OPHN1: variants seen among roughly 807,000 people sequenced by gnomAD.
OPHN1 encodes the protein oligophrenin-1.
A neutral mutation model predicts 60.7 loss-of-function variants in OPHN1; 11 were observed. That is an observed-to-expected ratio of 0.18 (90% CI 0.11 to 0.30). The LOEUF is 0.30. Among genes scored for constraint, OPHN1 ranks in the 10% least tolerant of loss-of-function variants. The probability of loss-of-function intolerance (pLI) is 1.00; values close to 1 mark genes in which losing one functional copy is unlikely to be tolerated. For missense variants in OPHN1, 449 were observed against 611.0 expected (o/e 0.73, Z 2.80); for synonymous variants, 226 against 222.6 (o/e 1.02, Z -0.14).
At chrX:68,384,732 A>AG (rs1202176749) in intron 2 of OPHN1, among the ~76,000 whole-genome samples, 2 of 110,255 alleles carry the variant, frequency 1.8e-5, no homozygotes, top group Non-Finnish European at 3.8e-5. Flanking sequence ...AAAAAAAAAA[A>AG]AAGAAGAAGA....
intron 19 of OPHN1, among the ~76,000 whole-genome samples, chrX:68,075,792 A>C (rs988514928): frequency 3.7e-5 from 4 of 109,175 alleles, no homozygotes; most frequent in East Asian, 2.8e-4. Context: ...AAAAAAAAAA[A>C]AAAAAAAAAC....
intron 10 of OPHN1, among the ~76,000 whole-genome samples, chrX:68,205,235 G>A (rs898486545): frequency 5.4e-5 from 6 of 110,893 alleles, no homozygotes; most frequent in African/African-American, 2.0e-4. Context: ...ATCACCTGAG[G>A]TCGGGAATTC....
At chrX:68,059,538 C>A (rs144254006) in intron 21 of OPHN1, among the ~76,000 whole-genome samples, 8 of 111,841 alleles carry the variant, frequency 7.2e-5, no homozygotes, top group Non-Finnish European at 1.5e-4. Context: ...AGAATAAAAA[C>A]CAAACAGTAG....
At chrX:68,363,734 T>C (rs906934086) in intron 2 of OPHN1, among the ~76,000 whole-genome samples, 2 of 111,729 alleles carry the variant, frequency 1.8e-5, no homozygotes, top group Non-Finnish European at 3.8e-5. Context: ...ACAGTGGTTA[T>C]ATATACTAAA....
At chrX:68,427,998 G>T (rs2078868071) in intron 2 of OPHN1, among the ~76,000 whole-genome samples, 1 of 110,669 alleles carries the variant, frequency 9.0e-6, no homozygotes, top group Admixed American at 9.7e-5. Context: ...GGGCATGGTG[G>T]CTGTAATCCA....
chrX:68,330,462 T>C (rs778187307), intron 2 of OPHN1, among the ~76,000 whole-genome samples: 5 of 111,580 alleles, frequency 4.5e-5, no homozygotes, highest in Non-Finnish European at 9.4e-5. Flanking sequence ...TAATTTTTAA[T>C]TTTCCCAACA....
intron 15 of OPHN1, among the ~76,000 whole-genome samples, chrX:68,177,823 A>T (rs1256700874): frequency 9.0e-6 from 1 of 111,656 alleles, no homozygotes; most frequent in Non-Finnish European, 1.9e-5. Context: ...TGATCTAATC[A>T]TCTCCTACTA....
intron 20 of OPHN1, among the ~76,000 whole-genome samples, chrX:68,065,291 C>T (rs1318832682): frequency 9.0e-6 from 1 of 110,701 alleles, no homozygotes; most frequent in Non-Finnish European, 1.9e-5. Flanking sequence ...GACTGGATAG[C>T]TGATCTTAAG....
intron 18 of OPHN1, among the ~76,000 whole-genome samples, chrX:68,102,347 C>A (rs2077063040): frequency 8.9e-6 from 1 of 111,856 alleles, no homozygotes; most frequent in African/African-American, 3.3e-5. Context: ...ACACAAAATT[C>A]CAGAATCTCT....
At chrX:68,295,739 G>T (rs1479828252) in intron 3 of OPHN1, among the ~76,000 whole-genome samples, 3 of 112,064 alleles carry the variant, frequency 2.7e-5, no homozygotes, top group East Asian at 5.6e-4. Flanking sequence ...CTGATCGTCA[G>T]GGGGAGGAAC....
At chrX:68,230,050 C>T (rs2077719683) in intron 6 of OPHN1, among the ~76,000 whole-genome samples, 1 of 112,103 alleles carries the variant, frequency 8.9e-6, no homozygotes, top group African/African-American at 3.2e-5. Flanking sequence ...CTACAAAGAA[C>T]TTAAACAAAT....
intron 15 of OPHN1, 165 bp downstream of exon 15, chrX:68,192,754 G>C (rs1016712506): frequency 2.2e-6 from 1 of 460,693 alleles, no homozygotes; most frequent in Non-Finnish European, 3.9e-6. Context: ...TTCAAGGTAC[G>C]ATTGACTCTG....
intron 18 of OPHN1, among the ~76,000 whole-genome samples, chrX:68,098,045 T>C (rs2077044180): frequency 9.0e-6 from 1 of 111,036 alleles, no homozygotes; most frequent in African/African-American, 3.3e-5. Flanking sequence ...TGTCTGGTTA[T>C]ACCACATTGT....
intron 15 of OPHN1, among the ~76,000 whole-genome samples, chrX:68,120,986 C>G (rs1183940984): frequency 3.6e-5 from 4 of 111,922 alleles, no homozygotes; most frequent in Admixed American, 1.9e-4. Flanking sequence ...ATACAAAAAT[C>G]AACACAAAAT....
At chrX:68,179,871 G>A (rs1246747218) in intron 15 of OPHN1, among the ~76,000 whole-genome samples, 4 of 111,535 alleles carry the variant, frequency 3.6e-5, no homozygotes, top group African/African-American at 1.3e-4. Context: ...TCAAGACAGA[G>A]TGAAAATTAG....
chrX:68,168,315 G>A (rs1027775971), intron 15 of OPHN1, among the ~76,000 whole-genome samples: 6 of 106,487 alleles, frequency 5.6e-5, no homozygotes, highest in African/African-American at 1.7e-4. Context: ...CTCAGACCAC[G>A]GTGCAATCAA....
chrX:68,048,736 C>T (rs1474756486), intron 23 of OPHN1, among the ~76,000 whole-genome samples: 1 of 112,138 alleles, frequency 8.9e-6, no homozygotes, highest in East Asian at 2.8e-4. Flanking sequence ...AAGCTGGCTG[C>T]AGACCACGAA....
At chrX:68,172,087 T>A (rs2077394275) in intron 15 of OPHN1, among the ~76,000 whole-genome samples, 1 of 111,803 alleles carries the variant, frequency 8.9e-6, no homozygotes, top group Non-Finnish European at 1.9e-5. Flanking sequence ...AACATAAATT[T>A]AATATACAAG....
chrX:68,087,883 G>A (rs2077001455), intron 19 of OPHN1, among the ~76,000 whole-genome samples: 1 of 111,514 alleles, frequency 9.0e-6, no homozygotes, highest in African/African-American at 3.3e-5. Flanking sequence ...TTAGCATTTG[G>A]CACAGACCAC....
Sources: allele counts gnomAD v4.1 joint callset (sites outside exome capture counted in the v4.1 genomes callset), GRCh38; gene constraint gnomAD v4.1.1; transcripts MANE v1.5; gene names NCBI Gene and HGNC (gene_info 2026-07-23, HGNC 2026-07-21).